Variants in NBPF15 observed in about 807,000 individuals in gnomAD.
The protein encoded by NBPF15 is NBPF family member NBPF15.
In NBPF15, 74 loss-of-function variants were observed where a neutral mutation model predicts 62.2. That is an observed-to-expected ratio of 1.19 (90% CI 0.99 to 1.44). The LOEUF is 1.44. Among genes scored for constraint, NBPF15 ranks in the 40% most tolerant of loss-of-function variants. NBPF15 has a pLI of 0.00. For synonymous variants in NBPF15, 244 were observed against 209.7 expected (o/e 1.16, Z -1.41); for missense variants, 790 against 550.0 (o/e 1.44, Z -4.36).
In NBPF15 at chr1:144,453,223, A is replaced by T. The variant is rs587716559; in HGVS notation, c.-431-2353T>A. Among the ~76,000 whole-genome samples, 13 of 150,770 alleles carry T rather than the reference A, an allele frequency of 8.6e-5. 1 individual carries two copies. The highest frequency in any genetic ancestry group is 1.3e-4 in the Non-Finnish European group (9 of 67,656). ...TGATCTTCCATGGAGGTTTAGAGACAATTTAAAACAGCAAAGATAGCCTTT... is the reference window on the plus strand; with the variant it reads ...TGATCTTCCATGGAGGTTTAGAGACTATTTAAAACAGCAAAGATAGCCTTT... On this transcript the variant is annotated intron_variant, in intron 4 of 21. Transcript: ENST00000581897.
At chr1:144,439,169 A>G (rs1553542023) in intron 8 of NBPF15, among the ~76,000 whole-genome samples, 2 of 151,618 alleles carry the variant, frequency 1.3e-5, no homozygotes, top group Non-Finnish European at 2.9e-5. Context: ...TTTTTAGTGG[A>G]GATGGGGTTT....
rs28775427 is a variant in NBPF15, at chr1:144,432,439, A to T, written c.824+1334T>A. On this transcript the variant is annotated intron_variant, in intron 13 of 21. Coordinates refer to ENST00000581897, the MANE Select transcript of NBPF15 (RefSeq NM_001385408.1). The stretch of plus-strand genomic sequence containing the variant: ...AACCAGCTAATATCATAATGACAGG[A>T]TCAAATTCACACATAACAATATTAA... Among the ~76,000 whole-genome samples, 21 of 152,222 alleles carry T rather than the reference A, an allele frequency of 1.4e-4. No individual in the cohort carries two copies. In the East Asian group the frequency reaches 3.7e-3, roughly 27 times the overall value.
In NBPF15 at chr1:144,422,684, G is replaced by A. The variant is rs1333326641; in HGVS notation, c.*329C>T. The A allele has an allele frequency of 4.1e-6, 2 of 486,550 alleles. No homozygotes were observed. The highest frequency in any genetic ancestry group is 2.2e-5 in the South Asian group (1 of 46,326). The allele number at this position is 486,550 out of a possible 1,614,324, so 30.1% of individuals were successfully genotyped here. On this transcript the variant is annotated 3_prime_UTR_variant, in exon 22 of 22. Coordinates refer to ENST00000581897, the MANE Select transcript of NBPF15 (RefSeq NM_001385408.1). ...CAAAGATGACAATGACCTTGAGCAG[G>A]TATAGAAGCTCAGAGACATGCCTGC... is the stretch of plus-strand genomic sequence containing the variant.
chr1:144,432,029 A>T (rs1490345475), intron 13 of NBPF15, among the ~76,000 whole-genome samples: 1 of 151,950 alleles, frequency 6.6e-6, no homozygotes, highest in Non-Finnish European at 1.5e-5. Context: ...GGCTGGGTCA[A>T]ATAGTATTTC....
intron 6 of NBPF15, among the ~76,000 whole-genome samples, chr1:144,448,315 A>T (rs1162877756): frequency 6.6e-6 from 1 of 152,036 alleles, no homozygotes; most frequent in Non-Finnish European, 1.5e-5. Context: ...TAAGGCGTCC[A>T]GTTGAAAAAC....
At chr1:144,427,710 C>T in intron 16 of NBPF15, 108 bp downstream of exon 16, 2 of 616,042 alleles carry the variant, frequency 3.2e-6, no homozygotes, top group Non-Finnish European at 5.7e-6. Context: ...ATAGGTCCTC[C>T]CTGTGGCAAT....
At chr1:144,447,154 A>C (rs1553544336) in intron 6 of NBPF15, among the ~76,000 whole-genome samples, 1 of 152,300 alleles carries the variant, frequency 6.6e-6, no homozygotes, top group East Asian at 1.9e-4. Flanking sequence ...TTCTGACAGC[A>C]GGGAGGACAA....
intron 12 of NBPF15, 149 bp downstream of exon 12, chr1:144,434,962 C>T: frequency 7.6e-7 from 1 of 1,316,364 alleles, no homozygotes; most frequent in Non-Finnish European, 1.1e-6. Context: ...ATGACATTAG[C>T]TGAGAAGGAC....
intron 4 of NBPF15, among the ~76,000 whole-genome samples, chr1:144,455,114 AG>A (rs1370301236): frequency 7.7e-6 from 1 of 130,136 alleles, no homozygotes; most frequent in Non-Finnish European, 1.7e-5. Context: ...GAAGGAAGGA[AG>A]GGAGGGAGGA....
At chr1:144,445,802 AT>A (rs1192586784) in intron 6 of NBPF15, among the ~76,000 whole-genome samples, 3 of 144,948 alleles carry the variant, frequency 2.1e-5, no homozygotes, top group African/African-American at 5.1e-5. Context: ...TCTCAAAGCA[AT>A]TTTTTGTAGT....
At chr1:144,441,321 A>G (rs1227551307) in intron 6 of NBPF15, among the ~76,000 whole-genome samples, 1 of 152,068 alleles carries the variant, frequency 6.6e-6, no homozygotes, top group East Asian at 1.9e-4. Flanking sequence ...GTTGCTCTAC[A>G]TTCCCACACA....
chr1:144,432,452 A>G (rs1377992100), intron 13 of NBPF15, among the ~76,000 whole-genome samples: 67 of 152,166 alleles, frequency 4.4e-4, no homozygotes, highest in African/African-American at 1.5e-3. Flanking sequence ...AAATTCACAC[A>G]TAACAATATT....
chr1:144,428,135 G>A (rs1321355184), intron 15 of NBPF15, 145 bp from the exon 16 acceptor site: 6 of 672,860 alleles, frequency 8.9e-6, no homozygotes, highest in African/African-American at 5.4e-5. Context: ...TTGCCTTTAT[G>A]TTGGGATAGA....
At chr1:144,429,388 C>T (rs1672524891) in intron 14 of NBPF15, among the ~76,000 whole-genome samples, 1 of 151,372 alleles carries the variant, frequency 6.6e-6, no homozygotes, top group Non-Finnish European at 1.5e-5. Flanking sequence ...GCTGAGCTGA[C>T]AGACAGCTCC....
chr1:144,424,347 G>A (rs1281323982), intron 20 of NBPF15, among the ~76,000 whole-genome samples: 1 of 151,382 alleles, frequency 6.6e-6, no homozygotes, highest in Non-Finnish European at 1.5e-5. Context: ...ATGGTTGTGA[G>A]GACTTTAGAC....
At chr1:144,445,332 AAT>A (rs1246556657) in intron 6 of NBPF15, among the ~76,000 whole-genome samples, 3,592 of 92,452 alleles carry the variant, frequency 0.039, 116 homozygotes, top group African/African-American at 0.086. Context: ...CAAAACGGTG[AAT>A]ATATATATAT....
chr1:144,438,537 A>G (rs1392672857), intron 8 of NBPF15, among the ~76,000 whole-genome samples: 1 of 152,026 alleles, frequency 6.6e-6, no homozygotes, highest in Non-Finnish European at 1.5e-5. Context: ...TTCAGTTATG[A>G]TTTTAAGAAT....
At chr1:144,429,219 A>G (rs1296700399) in intron 14 of NBPF15, among the ~76,000 whole-genome samples, 1 of 150,306 alleles carries the variant, frequency 6.7e-6, no homozygotes, top group Non-Finnish European at 1.5e-5. Flanking sequence ...AAGACACAGA[A>G]AATGGGAATA....
chr1:144,427,120 A>T (rs1407993856), intron 16 of NBPF15, 22 bp from the exon 17 acceptor site: 1 of 565,158 alleles, frequency 1.8e-6, no homozygotes, highest in Non-Finnish European at 3.1e-6. Context: ...TCAGACATGG[A>T]CAGACATATT....
Sources: gnomAD v4.1 joint callset for allele counts (sites outside exome capture counted in the v4.1 genomes callset) on GRCh38, gnomAD v4.1.1 for gene constraint, MANE v1.5 for transcripts, NCBI Gene and HGNC (gene_info 2026-07-23, HGNC 2026-07-21) for gene names.